Variants in MKX observed in about 807,000 individuals in gnomAD.
The protein encoded by MKX is homeobox protein Mohawk.
In MKX, 13 loss-of-function variants were observed where a neutral mutation model predicts 36.0. The ratio of observed to expected loss-of-function variants is 0.36; its 90% CI spans 0.24 to 0.57. The LOEUF (loss-of-function observed/expected upper bound fraction) is 0.57. Ranked by LOEUF, MKX falls within the 20% of genes least tolerant of loss-of-function variation. The probability of loss-of-function intolerance (pLI) is 0.79; values close to 1 mark genes in which losing one functional copy is unlikely to be tolerated. For missense variants in MKX, 458 were observed against 456.4 expected, an observed-to-expected ratio of 1.00 and a Z score of -0.03; for synonymous variants, 176 against 178.3, an observed-to-expected ratio of 0.99 and a Z score of 0.10.
chr10:27,701,364 G>A (rs2132526437), intron 5 of MKX, among the ~76,000 whole-genome samples: 1 of 59,738 alleles, frequency 1.7e-5, no homozygotes, highest in South Asian at 5.1e-4. Flanking sequence ...CACAAAAGAT[G>A]ATTTTATATA....
rs897015426 is a variant in MKX at position 27,741,780 on chromosome 10, T to C, written c.189-276A>G. On this transcript the variant is annotated intron_variant, in intron 2 of 6. Coordinates refer to ENST00000419761, the MANE Select transcript of MKX (RefSeq NM_173576.3). This position sits in a 1 kb window ranked among gnomAD's most constrained non-coding sequence, Gnocchi z 5.1. ...GTTTAGAAGACGAAGGTCAAGTGAT[T>C]TGAAGAATACTGCTATTCCAGTCGC... Among the ~76,000 whole-genome samples the C allele has an allele frequency of 2.0e-5, 3 of 152,216 alleles. No homozygotes were observed. The highest frequency in any genetic ancestry group is 1.3e-4 in the Admixed American group (2 of 15,288).
intron 5 of MKX, among the ~76,000 whole-genome samples, chr10:27,713,197 A>G (rs552505431): frequency 6.6e-6 from 1 of 152,294 alleles, no homozygotes; most frequent in East Asian, 1.9e-4. Context: ...CATCTCTAGA[A>G]ATCTTCAGAA....
chr10:27,713,570 T>C (rs551518785), intron 5 of MKX, among the ~76,000 whole-genome samples: 9 of 152,274 alleles, frequency 5.9e-5, no homozygotes, highest in African/African-American at 2.2e-4. Context: ...ATTAAGTAGC[T>C]GTGCAAGAGA....
At chr10:27,702,623 T>TG (rs1309515429) in intron 5 of MKX, among the ~76,000 whole-genome samples, 3 of 152,166 alleles carry the variant, frequency 2.0e-5, no homozygotes, top group Admixed American at 1.3e-4. Flanking sequence ...GAAGAACCAC[T>TG]GTCCTATCTC....
chr10:27,730,405 A>C (rs1034587946), intron 5 of MKX, among the ~76,000 whole-genome samples: 1 of 151,834 alleles, frequency 6.6e-6, no homozygotes, highest in Non-Finnish European at 1.5e-5. Context: ...AATAAAAATA[A>C]GTGAAGTAAA....
intron 5 of MKX, among the ~76,000 whole-genome samples, chr10:27,725,507 G>T (rs996665575): frequency 4.0e-5 from 6 of 151,734 alleles, no homozygotes; most frequent in Non-Finnish European, 8.8e-5. Context: ...AAGAAACCAG[G>T]CTTCCAAAAT....
intron 5 of MKX, among the ~76,000 whole-genome samples, chr10:27,679,127 G>T (rs1243185780): frequency 6.6e-6 from 1 of 152,100 alleles, no homozygotes; most frequent in Non-Finnish European, 1.5e-5. Flanking sequence ...GTCGGGAGGT[G>T]GGGGGCTGGG....
chr10:27,674,528 G>A lies in MKX; in HGVS notation c.*701C>T, dbSNP rs1187991580. ...GATTAATTCTAAAGGGCTTTGTGGT[G>A]CTTTCCAACAGTGCTTGAAAAAAAG... On this transcript the variant is annotated 3_prime_UTR_variant, in exon 7 of 7. Transcript: ENST00000419761. The A allele has an allele frequency of 2.0e-5, 3 of 152,092 alleles. No homozygotes were observed. The highest frequency in any genetic ancestry group is 7.3e-5 in the African/African-American group (3 of 41,270). 9.4% of individuals were successfully genotyped at this position (152,092 alleles called of 1,614,324 possible).
intron 5 of MKX, among the ~76,000 whole-genome samples, chr10:27,712,009 C>T (rs1907386): frequency 0.67 from 102,157 of 151,974 alleles, 36,597 homozygotes; most frequent in Non-Finnish European, 0.8. Flanking sequence ...AGTTTCCATA[C>T]CAACCTCTGC....
chr10:27,692,883 G>A (rs1305803851), intron 5 of MKX, among the ~76,000 whole-genome samples: 1 of 152,124 alleles, frequency 6.6e-6, no homozygotes, highest in Non-Finnish European at 1.5e-5. Flanking sequence ...GGAGCTACAT[G>A]GTCTCTAAAG....
At chr10:27,721,482 G>T (rs980581474) in intron 5 of MKX, among the ~76,000 whole-genome samples, 2 of 152,158 alleles carry the variant, frequency 1.3e-5, no homozygotes, top group Non-Finnish European at 2.9e-5. Flanking sequence ...GCAGGGACAC[G>T]CATGGAGCTG....
intron 5 of MKX, among the ~76,000 whole-genome samples, chr10:27,680,383 A>AAG (rs55725636): frequency 0.76 from 108,800 of 143,072 alleles, 42,889 homozygotes; most frequent in Non-Finnish European, 0.88. Context: ...AAAAAAAAAA[A>AAG]AGGTGTGTAG....
intron 5 of MKX, among the ~76,000 whole-genome samples, chr10:27,679,568 T>G (rs1907371): frequency 0.77 from 116,580 of 152,140 alleles, 46,221 homozygotes; most frequent in Non-Finnish European, 0.9. Context: ...GTTCCCAGAA[T>G]AGCCAACCCG....
At position 27,742,428 on chromosome 10, in the gene MKX, G is replaced by T. The variant is rs552266772; in HGVS notation, c.188+800C>A. ...AAACGACTGGTAGTAACATTTTGACGAAACCGAATCTCTGTTTTACTAAGC... is the reference window on the plus strand; with the variant it reads ...AAACGACTGGTAGTAACATTTTGACTAAACCGAATCTCTGTTTTACTAAGC... On this transcript the variant is annotated intron_variant, in intron 2 of 6. Transcript: ENST00000419761. The surrounding 1 kb of genome is among the most constrained non-coding windows in gnomAD (Gnocchi z 4.2). Among the ~76,000 whole-genome samples the T allele has an allele frequency of 6.6e-6, 1 of 152,130 alleles. No homozygotes were observed. Among genetic ancestry groups the T allele is most frequent in the African/African-American group, 2.4e-5 (1 of 41,448 alleles).
At chr10:27,716,396 C>T (rs1836964070) in intron 5 of MKX, among the ~76,000 whole-genome samples, 1 of 135,850 alleles carries the variant, frequency 7.4e-6, no homozygotes, top group Admixed American at 8.4e-5. Context: ...GCACTTCAGC[C>T]TGGGTGACAG....
intron 5 of MKX, among the ~76,000 whole-genome samples, chr10:27,723,559 C>T (rs1183173081): frequency 1.3e-5 from 2 of 152,232 alleles, no homozygotes; most frequent in African/African-American, 4.8e-5. Flanking sequence ...ATCCAGCTTC[C>T]TGCTAGGCTC....
chr10:27,684,809 C>CGGG (rs919874574), intron 5 of MKX, among the ~76,000 whole-genome samples: 4 of 152,146 alleles, frequency 2.6e-5, no homozygotes, highest in Admixed American at 2.6e-4. Flanking sequence ...GACCGGGGAG[C>CGGG]GGGGGGTTTG....
chr10:27,710,275 A>G (rs1158670020), intron 5 of MKX, among the ~76,000 whole-genome samples: 1 of 152,224 alleles, frequency 6.6e-6, no homozygotes, highest in Non-Finnish European at 1.5e-5. Context: ...CCTGCAATGA[A>G]AAAGTTGAAG....
At chr10:27,695,665 C>T (rs147805358) in intron 5 of MKX, among the ~76,000 whole-genome samples, 45 of 151,972 alleles carry the variant, frequency 3.0e-4, no homozygotes, top group African/African-American at 1.1e-3. Context: ...TTTAGGAGCT[C>T]ATGGAGAAGA....
Sources: gnomAD v4.1 joint callset for allele counts (sites outside exome capture counted in the v4.1 genomes callset) on GRCh38, gnomAD v4.1.1 for gene constraint, Gnocchi (gnomAD v3.1) non-coding constraint, MANE v1.5 for transcripts, NCBI Gene and HGNC (gene_info 2026-07-23, HGNC 2026-07-21) for gene names.